ATE1: variants seen among roughly 807,000 people sequenced by gnomAD.
The protein encoded by ATE1 is arginyl-tRNA--protein transferase 1.
In ATE1, 36 loss-of-function variants were observed where a neutral mutation model predicts 70.5. The observed-to-expected ratio is 0.51, with a 90% CI of 0.39 to 0.67. The LOEUF is 0.67. Among genes scored for constraint, ATE1 ranks in the 30% least tolerant of loss-of-function variants. ATE1 has a pLI of 0.00. For missense variants in ATE1, 593 were observed against 629.5 expected (o/e 0.94, Z 0.62); for synonymous variants, 232 against 219.3 (o/e 1.06, Z -0.51).
intron 8 of ATE1, among the ~76,000 whole-genome samples, chr10:121,847,798 G>A (rs1948892135): frequency 6.7e-6 from 1 of 149,980 alleles, no homozygotes. Context: ...CAGGCCAGGC[G>A]TGGTGGCTCA....
At chr10:121,804,275 C>T (rs1270861041) in intron 10 of ATE1, among the ~76,000 whole-genome samples, 2 of 152,096 alleles carry the variant, frequency 1.3e-5, no homozygotes, top group East Asian at 3.9e-4. Flanking sequence ...CTTGAGAACC[C>T]TTAGTTCTTC....
intron 11 of ATE1, among the ~76,000 whole-genome samples, chr10:121,749,798 A>G (rs1944509474): frequency 6.6e-6 from 1 of 152,188 alleles, no homozygotes; most frequent in African/African-American, 2.4e-5. Flanking sequence ...TGTTTTAACA[A>G]TTTCATAAAA....
chr10:121,928,233 G>T, upstream of ATE1: 2 of 1,369,008 alleles, frequency 1.5e-6, no homozygotes, highest in Non-Finnish European at 1.9e-6. Flanking sequence ...ACAGGATGGG[G>T]AGAGTCAAGA....
chr10:121,751,585 T>C (rs903532886), intron 11 of ATE1, among the ~76,000 whole-genome samples: 2 of 152,264 alleles, frequency 1.3e-5, no homozygotes, highest in African/African-American at 2.4e-5. Context: ...CATCTTTTCA[T>C]GTGCTTATTG....
intron 11 of ATE1, among the ~76,000 whole-genome samples, chr10:121,768,655 T>C (rs1362556936): frequency 2.0e-5 from 3 of 152,130 alleles, no homozygotes; most frequent in African/African-American, 4.8e-5. Flanking sequence ...CAATCAGAGA[T>C]TGCCAGCTTC....
Position 121,841,237 on chromosome 10 carries a change from A to G in ATE1, c.1002T>C (p.Asp334=), listed in dbSNP as rs760901155. 9.8e-6 allele frequency: 15 copies of G among 1,536,914 alleles called. No homozygotes were observed. Among genetic ancestry groups the G allele is most frequent in the Admixed American group, 1.8e-5 (1 of 56,646 alleles). Residue 334 remains aspartate, a synonymous_variant, in exon 9 of 12, where the codon GAT becomes GAC. Transcript: ENST00000224652. ...LEAETPPNGP[D]CGYGSFHQQY... ...GCTGGTGAAAGGAGCCATAGCCACA[A>G]TCTGGCCCATTAGGGGGAGTCTCTG... is the stretch of plus-strand genomic sequence containing the variant.
chr10:121,858,560 A>G (rs1949333749), intron 8 of ATE1, among the ~76,000 whole-genome samples: 1 of 149,994 alleles, frequency 6.7e-6, no homozygotes, highest in South Asian at 2.1e-4. Flanking sequence ...ATACCCGAAT[A>G]GTTTCTAACT....
intron 8 of ATE1, among the ~76,000 whole-genome samples, chr10:121,845,929 G>A (rs928294024): frequency 1.3e-5 from 2 of 152,058 alleles, no homozygotes; most frequent in Non-Finnish European, 1.5e-5. Context: ...ATATTTCTTT[G>A]TTCTGTCAGC....
At chr10:121,840,770 T>C (rs1412300526) in intron 9 of ATE1, among the ~76,000 whole-genome samples, 1 of 150,588 alleles carries the variant, frequency 6.6e-6, no homozygotes, top group Non-Finnish European at 1.5e-5. Flanking sequence ...ACTATATACT[T>C]ATATAATATG....
intron 9 of ATE1, among the ~76,000 whole-genome samples, chr10:121,839,405 A>G (rs570042589): frequency 2.6e-5 from 4 of 152,352 alleles, no homozygotes; most frequent in South Asian, 4.1e-4. Flanking sequence ...AGAAAAATCT[A>G]TAACACATTG....
chr10:121,928,094 G>A, upstream of ATE1: 1 of 1,214,398 alleles, frequency 8.2e-7, no homozygotes, highest in Non-Finnish European at 1.0e-6. Context: ...GGCCGGCCCG[G>A]CGCCTCTTGG....
Position 121,899,782 on chromosome 10 carries a change from C to T in ATE1, c.942+84G>A, listed in dbSNP as rs973406289. ...AATTGAACACAAATAAAATGTAGCA[C>T]AAATAAACCAAGATTTCATTAAATG... On this transcript the variant is annotated intron_variant, in intron 7 of 11. Coordinates refer to ENST00000224652, the MANE Select transcript of ATE1 (RefSeq NM_001001976.3). 5.3e-6 allele frequency: 8 copies of T among 1,520,988 alleles called. No homozygotes were observed. The African/African-American group carries it at 6.9e-5, about 13-fold the overall frequency. The allele number at this position is 1,520,988 out of a possible 1,614,324, so 94.2% of individuals were successfully genotyped here.
At chr10:121,904,458 G>A (rs1200796955) in intron 5 of ATE1, among the ~76,000 whole-genome samples, 3 of 150,886 alleles carry the variant, frequency 2.0e-5, no homozygotes, top group Admixed American at 1.3e-4. Context: ...TGGCTAACAC[G>A]GTGAAACCCT....
intron 10 of ATE1, among the ~76,000 whole-genome samples, chr10:121,792,559 T>G (rs1946497997): frequency 6.6e-6 from 1 of 152,194 alleles, no homozygotes; most frequent in Admixed American, 6.5e-5. Context: ...CAGACGCATC[T>G]AATAATATTC....
intron 10 of ATE1, among the ~76,000 whole-genome samples, chr10:121,817,498 C>A (rs1473585244): frequency 6.6e-6 from 1 of 150,802 alleles, no homozygotes; most frequent in African/African-American, 2.4e-5. Context: ...AAGATCACGC[C>A]ACTGCACTCC....
intron 10 of ATE1, among the ~76,000 whole-genome samples, chr10:121,801,579 G>A (rs933740044): frequency 5.3e-5 from 8 of 152,040 alleles, no homozygotes; most frequent in Non-Finnish European, 8.8e-5. Context: ...AAAACTCTAA[G>A]CCTCTTTAGT....
At chr10:121,747,644 GT>G in intron 11 of ATE1, among the ~76,000 whole-genome samples, 1 of 152,276 alleles carries the variant, frequency 6.6e-6, no homozygotes, top group African/African-American at 2.4e-5. Context: ...ACCACTGCCT[GT>G]TATCACCAAT....
At chr10:121,864,106 A>G (rs1353560935) in intron 8 of ATE1, among the ~76,000 whole-genome samples, 1 of 152,188 alleles carries the variant, frequency 6.6e-6, no homozygotes, top group Non-Finnish European at 1.5e-5. Flanking sequence ...AGTTAACTAA[A>G]ATTTAAAAAA....
intron 11 of ATE1, among the ~76,000 whole-genome samples, chr10:121,761,595 C>T (rs1310008691): frequency 6.6e-6 from 1 of 152,064 alleles, no homozygotes; most frequent in East Asian, 1.9e-4. Flanking sequence ...TAGAGCAGAA[C>T]ACATAATATC....
Sources: allele counts gnomAD v4.1 joint callset (sites outside exome capture counted in the v4.1 genomes callset), GRCh38; gene constraint gnomAD v4.1.1; transcripts MANE v1.5; gene names NCBI Gene and HGNC (gene_info 2026-07-23, HGNC 2026-07-21).